The following YIPF7 variants were observed in gnomAD, a reference collection of about 807,000 sequenced individuals.
The protein encoded by YIPF7 is protein YIPF7.
Under a neutral mutation model 27.2 loss-of-function variants are expected in YIPF7, and 35 were observed. That is an observed-to-expected ratio of 1.29 (90% CI 0.98 to 1.70). The LOEUF (loss-of-function observed/expected upper bound fraction) is 1.70, where lower values mean the gene tolerates loss of function less well. YIPF7 is among the 40% of genes most tolerant of loss of function. The probability of loss-of-function intolerance (pLI) is 0.00; values close to 1 mark genes in which losing one functional copy is unlikely to be tolerated. For missense variants in YIPF7, 358 were observed against 303.7 expected, an observed-to-expected ratio of 1.18 and a Z score of -1.33; for synonymous variants, 137 against 110.4, an observed-to-expected ratio of 1.24 and a Z score of -1.51.
At chr4:44,636,202 G>A in intron 2 of YIPF7, 117 bp from the exon 3 acceptor site, 3 of 1,057,986 alleles carry the variant, frequency 2.8e-6, no homozygotes, top group Non-Finnish European at 3.9e-6. Context: ...ATTTACTCAT[G>A]AAAGAAACAA....
intron 4 of YIPF7, among the ~76,000 whole-genome samples, chr4:44,625,468 A>T (rs1206411825): frequency 6.6e-6 from 1 of 152,210 alleles, no homozygotes; most frequent in African/African-American, 2.4e-5. Flanking sequence ...GCACATATTT[A>T]ACCCTATTTA....
At chr4:44,641,797 C>T (rs1385321280) in intron 2 of YIPF7, among the ~76,000 whole-genome samples, 1 of 152,096 alleles carries the variant, frequency 6.6e-6, no homozygotes, top group African/African-American at 2.4e-5. Flanking sequence ...AGAGCAAGAG[C>T]CTGGTGTAAT....
At chr4:44,651,892 A>G (rs1434585304), upstream of YIPF7, among the ~76,000 whole-genome samples, 1 of 152,202 alleles carries the variant, frequency 6.6e-6, no homozygotes. Context: ...GCAAGCAGTT[A>G]AAAAGTAAGA....
At chr4:44,657,223 C>A (rs1713924763) in intron 2 of YIPF7, among the ~76,000 whole-genome samples, 1 of 152,074 alleles carries the variant, frequency 6.6e-6, no homozygotes, top group Admixed American at 6.5e-5. Context: ...GTATCTCTAC[C>A]TTCTTTCGAC....
intron 2 of YIPF7, 146 bp downstream of exon 2, chr4:44,649,838 AT>A (rs1192196854): frequency 8.6e-5 from 48 of 554,990 alleles, no homozygotes; most frequent in South Asian, 6.7e-4. Flanking sequence ...GCTTTCTTGG[AT>A]TTTTTTTGTG....
At chr4:44,626,130 A>C (rs1263530521) in intron 4 of YIPF7, among the ~76,000 whole-genome samples, 1 of 152,216 alleles carries the variant, frequency 6.6e-6, no homozygotes, top group African/African-American at 2.4e-5. Context: ...TGGAGAGTTG[A>C]TCACTACGAA....
At position 44,661,632 on chromosome 4, in the gene YIPF7, T is replaced by A. The variant is rs1186845564; in HGVS notation, c.-171-1014A>T. Among the ~76,000 whole-genome samples the A allele has an allele frequency of 3.3e-5, 5 of 152,222 alleles. No homozygotes were observed. In the East Asian group the frequency reaches 9.6e-4, roughly 29 times the overall value. The stretch of plus-strand genomic sequence containing the variant: ...GGTACACATGTCTCTTTATGTCATC[T>A]TCTTAACAACAATAAAAAGCAGCAT... On this transcript the variant is annotated intron_variant, in intron 1 of 2. Transcript: ENST00000508947.
intron 4 of YIPF7, among the ~76,000 whole-genome samples, chr4:44,625,927 A>C (rs1388606237): frequency 3.3e-5 from 5 of 152,190 alleles, no homozygotes; most frequent in African/African-American, 1.2e-4. Context: ...ATTAGACAAA[A>C]ACAATGAAGG....
rs1177397211 is a variant in YIPF7, at chr4:44,624,619, G to A, written c.590C>T (p.Ala197Val). Residue 197 changes from alanine to valine, a missense_variant, in exon 5 of 6, where the codon GCC becomes GTC. Physicochemically the swap from Ala to Val is moderately conservative, Grantham distance 64. Transcript: ENST00000415895. Reference sequence around the variant, plus strand: ...CACTTACTGCAGTGAAAAGAACATGGCGCAACCAGACAGGATGACCATGGG... The same window carrying A: ...CACTTACTGCAGTGAAAAGAACATGACGCAACCAGACAGGATGACCATGGG... ...LLPMVILSGC[A>V]MFFSLQGIFG... 3.1e-6 allele frequency: 5 copies of A among 1,592,812 alleles called. No homozygotes were observed. The highest frequency in any genetic ancestry group is 4.3e-6 in the Non-Finnish European group (5 of 1,170,618).
upstream of YIPF7, among the ~76,000 whole-genome samples, chr4:44,655,558 G>T (rs1713864430): frequency 6.6e-6 from 1 of 151,842 alleles, no homozygotes; most frequent in Non-Finnish European, 1.5e-5. Context: ...TAAACCAAAA[G>T]AAAAATATGT....
At chr4:44,657,613 T>C (rs1460757721) in intron 2 of YIPF7, among the ~76,000 whole-genome samples, 1 of 151,958 alleles carries the variant, frequency 6.6e-6, no homozygotes, top group Admixed American at 6.6e-5. Context: ...GGTCGATGAG[T>C]ATGTAGTGAA....
At chr4:44,661,030 C>T (rs1714030821) in intron 1 of YIPF7, among the ~76,000 whole-genome samples, 1 of 152,110 alleles carries the variant, frequency 6.6e-6, no homozygotes, top group South Asian at 2.1e-4. Context: ...AATACAAAAA[C>T]TAAAGCAGGA....
intron 3 of YIPF7, among the ~76,000 whole-genome samples, chr4:44,631,900 G>C (rs751016893): frequency 6.6e-6 from 1 of 151,970 alleles, no homozygotes; most frequent in Non-Finnish European, 1.5e-5. Context: ...TATGTTTTCA[G>C]TATTTACCAC....
intron 2 of YIPF7, among the ~76,000 whole-genome samples, chr4:44,657,823 T>G (rs1301875881): frequency 6.6e-6 from 1 of 152,054 alleles, no homozygotes; most frequent in African/African-American, 2.4e-5. Context: ...GTCTGATATA[T>G]ATTTGGGGAA....
upstream of YIPF7, chr4:44,651,626 G>C (rs1418722707): frequency 1.3e-6 from 2 of 1,579,940 alleles, no homozygotes; most frequent in Non-Finnish European, 1.7e-6. Context: ...CAAATCCATT[G>C]GTGAAAAGAT....
At chr4:44,655,665 T>G (rs1171149566), upstream of YIPF7, among the ~76,000 whole-genome samples, 2 of 152,084 alleles carry the variant, frequency 1.3e-5, no homozygotes, top group East Asian at 3.9e-4. Context: ...TGCAATTTAA[T>G]GCACATCTGC....
intron 2 of YIPF7, among the ~76,000 whole-genome samples, chr4:44,659,608 G>A (rs1713987639): frequency 6.6e-6 from 1 of 152,120 alleles, no homozygotes; most frequent in Admixed American, 6.5e-5. Context: ...GACCTATCAA[G>A]TTAGCAAAGA....
At chr4:44,630,645 A>G (rs1320834111) in intron 3 of YIPF7, among the ~76,000 whole-genome samples, 1 of 152,182 alleles carries the variant, frequency 6.6e-6, no homozygotes, top group Non-Finnish European at 1.5e-5. Flanking sequence ...GTCCAAATCC[A>G]TTTAGAAACT....
intron 4 of YIPF7, among the ~76,000 whole-genome samples, chr4:44,627,207 C>A (rs1712690811): frequency 6.6e-6 from 1 of 152,092 alleles, no homozygotes; most frequent in Non-Finnish European, 1.5e-5. Flanking sequence ...AGTTTTAAAC[C>A]ATTTGTCTTC....
Sources: allele counts gnomAD v4.1 joint callset (sites outside exome capture counted in the v4.1 genomes callset), GRCh38; gene constraint gnomAD v4.1.1; transcripts MANE v1.5; gene names NCBI Gene and HGNC (gene_info 2026-07-23, HGNC 2026-07-21).